The following ADGRL3 variants were observed in gnomAD, a reference collection of about 807,000 sequenced individuals.
ADGRL3 encodes the protein calcium-independent alpha-latrotoxin receptor 3.
ADGRL3 carries 62 observed loss-of-function variants against 153.5 expected under a neutral mutation model. The observed-to-expected ratio is 0.40, with a 90% confidence interval of 0.33 to 0.50. The LOEUF (loss-of-function observed/expected upper bound fraction) is 0.50, where lower values mean the gene tolerates loss of function less well. Among genes scored for constraint, ADGRL3 ranks in the 20% least tolerant of loss-of-function variants. ADGRL3 has a pLI of 0.47. For synonymous variants in ADGRL3, 710 were observed against 672.5 expected (o/e 1.06, Z -0.86); for missense variants, 1,641 against 1,859.4 (o/e 0.88, Z 2.16).
chr4:61,815,816 G>A (rs1016169775), intron 9 of ADGRL3, among the ~76,000 whole-genome samples: 1 of 152,168 alleles, frequency 6.6e-6, no homozygotes, highest in Non-Finnish European at 1.5e-5. Context: ...GCAATGTGAG[G>A]ACACAGCAGG....
intron 1 of ADGRL3, among the ~76,000 whole-genome samples, chr4:61,227,395 G>T (rs1046017025): frequency 3.7e-4 from 57 of 152,140 alleles, no homozygotes; most frequent in African/African-American, 1.3e-3. Context: ...TTTTTGTGGT[G>T]ATAGGTTCTC....
rs568088607 is a variant in ADGRL3, at chr4:61,561,183, AC to A, written c.260-26042del. On this transcript the variant is annotated intron_variant, in intron 4 of 26. Coordinates refer to ENST00000683033, the MANE Select transcript of ADGRL3 (RefSeq NM_001387552.1). ...TAGGATGCAATGCTTCATGTTTAAT[AC>A]CTTATTTGGTAGAAGATAGAAGAGG... 4.4e-4 allele frequency among the ~76,000 whole-genome samples: 67 copies of A among 152,272 alleles called. 2 individuals carry two copies. Among genetic ancestry groups the A allele is most frequent in the Admixed American group, 2.0e-3 (30 of 15,284 alleles).
chr4:61,977,380 T>C (rs938816995), intron 17 of ADGRL3, among the ~76,000 whole-genome samples: 1 of 152,126 alleles, frequency 6.6e-6, no homozygotes. Context: ...AATAGCCCTC[T>C]ATTCAGGGAA....
intron 3 of ADGRL3, among the ~76,000 whole-genome samples, chr4:61,508,079 T>C (rs540769375): frequency 2.0e-5 from 3 of 152,252 alleles, no homozygotes; most frequent in African/African-American, 7.2e-5. Context: ...CCTCTTAAGG[T>C]ACATAATATG....
chr4:61,568,390 AG>A (rs1266910864), intron 4 of ADGRL3, among the ~76,000 whole-genome samples: 1 of 152,122 alleles, frequency 6.6e-6, no homozygotes, highest in Non-Finnish European at 1.5e-5. Flanking sequence ...CTTTATATTC[AG>A]TGGATCCGAA....
intron 2 of ADGRL3, among the ~76,000 whole-genome samples, chr4:61,496,529 C>A (rs1030726920): frequency 1.3e-5 from 2 of 152,076 alleles, no homozygotes; most frequent in Non-Finnish European, 2.9e-5. Context: ...TGGGGTGAAG[C>A]TACCCGGGAG....
intron 1 of ADGRL3, among the ~76,000 whole-genome samples, chr4:61,294,763 C>T (rs570824706): frequency 2.6e-5 from 4 of 152,030 alleles, no homozygotes; most frequent in Non-Finnish European, 5.9e-5. Context: ...AGCGCTATTA[C>T]TGCCCCTTAC....
rs946381196 is a variant in ADGRL3 at position 61,246,683 on chromosome 4, C to T, written c.-240+44918C>T. On this transcript the variant is annotated intron_variant, in intron 1 of 26. Coordinates refer to ENST00000683033, the MANE Select transcript of ADGRL3 (RefSeq NM_001387552.1). ...ATGAAGTTAACTATACCCTAAATAA[C>T]ATATTTATGATAATAACCCTTTTCC... 2.0e-5 allele frequency among the ~76,000 whole-genome samples: 3 copies of T among 151,670 alleles called. 1 individual carries two copies. The South Asian group carries it at 6.2e-4, about 31-fold the overall frequency.
chr4:61,681,594 T>G (rs1446894309), intron 6 of ADGRL3, among the ~76,000 whole-genome samples: 2 of 152,096 alleles, frequency 1.3e-5, no homozygotes, highest in African/African-American at 4.8e-5. Flanking sequence ...ATGATTGTCC[T>G]TATGAACAGG....
chr4:61,946,411 T>C (rs2098924407), intron 15 of ADGRL3, among the ~76,000 whole-genome samples: 1 of 152,214 alleles, frequency 6.6e-6, no homozygotes, highest in African/African-American at 2.4e-5. Flanking sequence ...GATGCCATTA[T>C]TTTATTTTTT....
intron 6 of ADGRL3, among the ~76,000 whole-genome samples, chr4:61,721,902 A>T (rs2096249663): frequency 6.6e-6 from 1 of 152,224 alleles, no homozygotes; most frequent in Admixed American, 6.5e-5. Context: ...CCTGAAAAAC[A>T]AATACTGTTT....
intron 8 of ADGRL3, among the ~76,000 whole-genome samples, chr4:61,766,231 G>A (rs949479318): frequency 1.3e-5 from 2 of 152,038 alleles, no homozygotes; most frequent in Non-Finnish European, 1.5e-5. Flanking sequence ...CAAAGAGTGG[G>A]GTATAGCTGA....
chr4:61,954,872 C>G (rs1179419460), intron 17 of ADGRL3, among the ~76,000 whole-genome samples: 1 of 152,106 alleles, frequency 6.6e-6, no homozygotes. Context: ...AGGGAGTAAG[C>G]AAACCAGGTC....
At chr4:61,642,847 G>A (rs919407741) in intron 5 of ADGRL3, among the ~76,000 whole-genome samples, 38 of 152,046 alleles carry the variant, frequency 2.5e-4, no homozygotes, top group African/African-American at 9.2e-4. Flanking sequence ...AGCTTGATGG[G>A]GATGGCATTG....
intron 6 of ADGRL3, among the ~76,000 whole-genome samples, chr4:61,710,633 A>C (rs146412258): frequency 6.5e-4 from 99 of 152,308 alleles, no homozygotes; most frequent in Non-Finnish European, 1.2e-3. Flanking sequence ...AATGACGCTA[A>C]ACTTGAGTAC....
intron 4 of ADGRL3, among the ~76,000 whole-genome samples, chr4:61,524,929 T>C (rs2098551149): frequency 6.6e-6 from 1 of 152,102 alleles, no homozygotes; most frequent in African/African-American, 2.4e-5. Context: ...GTTCGTAGCT[T>C]GGGTAACTGA....
At chr4:61,405,606 C>A (rs2096984231) in intron 2 of ADGRL3, among the ~76,000 whole-genome samples, 1 of 151,730 alleles carries the variant, frequency 6.6e-6, no homozygotes, top group Non-Finnish European at 1.5e-5. Context: ...GATAAAAATA[C>A]AAAATGTAAA....
chr4:61,907,611 T>C (rs2098702229), intron 11 of ADGRL3, among the ~76,000 whole-genome samples: 1 of 150,514 alleles, frequency 6.6e-6, no homozygotes, highest in Admixed American at 6.7e-5. Context: ...ATGATATATG[T>C]ATATACATAC....
intron 1 of ADGRL3, among the ~76,000 whole-genome samples, chr4:61,224,836 G>A (rs958885146): frequency 7.2e-5 from 11 of 152,146 alleles, no homozygotes; most frequent in African/African-American, 2.7e-4. Flanking sequence ...AGTGGATGGC[G>A]ACACACAACC....
Sources: allele counts gnomAD v4.1 joint callset (sites outside exome capture counted in the v4.1 genomes callset), GRCh38; gene constraint gnomAD v4.1.1; transcripts MANE v1.5; gene names NCBI Gene and HGNC (gene_info 2026-07-23, HGNC 2026-07-21).